Variants in CLASP1 observed in about 807,000 individuals in gnomAD.
CLASP1 encodes CLIP-associating protein 1.
Under a neutral mutation model 192.3 loss-of-function variants are expected in CLASP1, and 38 were observed. The observed-to-expected ratio is 0.20, with a 90% CI of 0.15 to 0.26. The LOEUF (loss-of-function observed/expected upper bound fraction) is 0.26. Among genes scored for constraint, CLASP1 ranks in the 10% least tolerant of loss-of-function variants. The pLI, the probability that CLASP1 is intolerant of heterozygous loss-of-function variation, is 1.00. For missense variants in CLASP1, 1,433 were observed against 1,932.5 expected (o/e 0.74, Z 4.85); for synonymous variants, 691 against 712.8 (o/e 0.97, Z 0.49).
rs750350886 is a variant in CLASP1 at position 121,447,511 on chromosome 2, T to C, written c.1742-4A>G. The C allele has an allele frequency of 3.2e-6, 5 of 1,550,180 alleles. No individual in the cohort carries two copies. Among genetic ancestry groups the C allele is most frequent in the Middle Eastern group, 1.7e-4 (1 of 5,960 alleles). On this transcript the variant is annotated splice_region_variant and splice_polypyrimidine_tract_variant and intron_variant, in intron 18 of 39. Transcript: ENST00000263710. ...GATTTGGTACTAACTGTAGAAGCTT[T>C]AGTGATAAAGGAGGAAATATGAATA...
At chr2:121,503,352 C>A in intron 7 of CLASP1, 118 bp from the exon 8 acceptor site, 1 of 622,758 alleles carries the variant, frequency 1.6e-6, no homozygotes, top group East Asian at 2.8e-5. Flanking sequence ...TGGTACAGAC[C>A]CACCTAGTAA....
exon 12 of CLASP1, chr2:121,460,111 T>C (rs745477828): frequency 2.5e-6 from 4 of 1,611,630 alleles, no homozygotes; most frequent in Non-Finnish European, 3.4e-6. Flanking sequence ...AAAGTAAAGA[T>C]CTAATCTTTT....
intron 12 of CLASP1, 112 bp from the exon 13 acceptor site, chr2:121,459,087 G>A (rs2304561): frequency 0.11 from 81,053 of 726,012 alleles, 9,512 homozygotes; most frequent in African/African-American, 0.5. Flanking sequence ...AAGGACAAGG[G>A]TCTGAGATTT....
chr2:121,643,614 T>A (rs190758038), intron 1 of CLASP1, among the ~76,000 whole-genome samples: 165 of 152,250 alleles, frequency 1.1e-3, no homozygotes, highest in African/African-American at 3.8e-3. Context: ...ATTATTATTA[T>A]GAAGACATTT....
chr2:121,418,497 G>A, intron 23 of CLASP1, 125 bp downstream of exon 23: 3 of 699,018 alleles, frequency 4.3e-6, no homozygotes, highest in South Asian at 3.5e-5. Context: ...TAAGGAAGAG[G>A]AAAGAAAGAA....
intron 1 of CLASP1, among the ~76,000 whole-genome samples, chr2:121,642,384 A>C (rs548516117): frequency 1.3e-5 from 2 of 149,638 alleles, no homozygotes; most frequent in African/African-American, 4.9e-5. Context: ...TGGGTGACAG[A>C]GCAGGTATCT....
chr2:121,583,908 A>G (rs75085010), intron 2 of CLASP1, among the ~76,000 whole-genome samples: 4 of 152,014 alleles, frequency 2.6e-5, no homozygotes, highest in Admixed American at 2.6e-4. Context: ...TATGTAAAAA[A>G]TCGTGGGGAG....
chr2:121,367,124 T>G (rs944005259), intron 35 of CLASP1, among the ~76,000 whole-genome samples: 4 of 152,048 alleles, frequency 2.6e-5, no homozygotes, highest in Non-Finnish European at 5.9e-5. Context: ...AAAGCAGGTG[T>G]GAAAGGAGAG....
chr2:121,426,651 CA>C (rs201146298), intron 21 of CLASP1, among the ~76,000 whole-genome samples: 2 of 150,682 alleles, frequency 1.3e-5, no homozygotes, highest in African/African-American at 2.4e-5. Context: ...AAGTAAATCT[CA>C]AAAAAAAATC....
chr2:121,459,194 CTTTT>C (rs2087341258), intron 12 of CLASP1, among the ~76,000 whole-genome samples: 1 of 151,236 alleles, frequency 6.6e-6, no homozygotes, highest in Non-Finnish European at 1.5e-5. Context: ...GTCTGTGGAG[CTTTT>C]TGTTTGTTTT....
intron 17 of CLASP1, 85 bp from the exon 18 acceptor site, chr2:121,448,410 T>G: frequency 8.2e-7 from 1 of 1,226,114 alleles, no homozygotes; most frequent in Non-Finnish European, 1.2e-6. Context: ...ATTATTACAA[T>G]GAAGAATTAT....
At chr2:121,551,242 C>A (rs1454513558) in intron 2 of CLASP1, among the ~76,000 whole-genome samples, 1 of 152,272 alleles carries the variant, frequency 6.6e-6, no homozygotes, top group East Asian at 1.9e-4. Context: ...ACAGCCAACA[C>A]CATACTGAAT....
chr2:121,553,526 A>AC (rs5833886), intron 2 of CLASP1, among the ~76,000 whole-genome samples: 151,196 of 151,250 alleles, frequency 1, 75,571 homozygotes, highest in Middle Eastern at 1. Flanking sequence ...ACATGGTGAA[A>AC]CCTGTCTCCA....
chr2:121,643,742 T>C (rs1212580022), intron 1 of CLASP1, among the ~76,000 whole-genome samples: 1 of 152,198 alleles, frequency 6.6e-6, no homozygotes, highest in African/African-American at 2.4e-5. Flanking sequence ...ATATCTGCAT[T>C]GTTTGAATCT....
chr2:121,448,632 G>A (rs1421214417), intron 17 of CLASP1, among the ~76,000 whole-genome samples: 1 of 152,140 alleles, frequency 6.6e-6, no homozygotes, highest in Admixed American at 6.5e-5. Context: ...TTGTCTCCAG[G>A]TTCACACTTA....
chr2:121,647,535 A>T (rs1441029575), intron 1 of CLASP1, among the ~76,000 whole-genome samples: 1 of 152,180 alleles, frequency 6.6e-6, no homozygotes, highest in African/African-American at 2.4e-5. Flanking sequence ...CATCATCTGA[A>T]CTACACTTAA....
chr2:121,573,906 C>A (rs909227198), intron 2 of CLASP1, among the ~76,000 whole-genome samples: 2 of 152,176 alleles, frequency 1.3e-5, no homozygotes, highest in Admixed American at 6.5e-5. Context: ...TCTTACCACA[C>A]ATAGACCAGC....
At chr2:121,513,054 A>T (rs1472172850) in intron 7 of CLASP1, 1 of 152,250 alleles carries the variant, frequency 6.6e-6, no homozygotes, top group African/African-American at 2.4e-5. Flanking sequence ...ACCCACGTGG[A>T]GCCACATATA....
intron 35 of CLASP1, 68 bp from the exon 37 acceptor site, chr2:121,365,352 T>G: frequency 7.1e-7 from 1 of 1,408,108 alleles, no homozygotes; most frequent in Admixed American, 1.9e-5. Context: ...TGCTCAGTGG[T>G]GCGCAGTGAT....
Sources: gnomAD v4.1 joint callset for allele counts (sites outside exome capture counted in the v4.1 genomes callset) on GRCh38, gnomAD v4.1.1 for gene constraint, MANE v1.5 for transcripts, NCBI Gene and HGNC (gene_info 2026-07-23, HGNC 2026-07-21) for gene names.